The following PPM1B variants were observed in gnomAD, a reference collection of about 807,000 sequenced individuals.
PPM1B encodes the protein protein phosphatase, Mg2+/Mn2+ dependent 1B.
PPM1B carries 22 observed loss-of-function variants against 43.0 expected under a neutral mutation model. The ratio of observed to expected loss-of-function variants is 0.51; its 90% CI spans 0.37 to 0.73. PPM1B has a LOEUF of 0.73. PPM1B is among the 30% of genes least tolerant of loss of function. PPM1B has a pLI of 0.00. For synonymous variants in PPM1B, 217 were observed against 197.9 expected, an observed-to-expected ratio of 1.10 and a Z score of -0.81; for missense variants, 632 against 584.2, an observed-to-expected ratio of 1.08 and a Z score of -0.84.
rs554150079 is a variant in PPM1B at position 44,240,692 on chromosome 2, T to G, written n.1547-3536T>G. Among the ~76,000 whole-genome samples the G allele has an allele frequency of 8.6e-4, 125 of 146,142 alleles. 20 individuals carry two copies. Among genetic ancestry groups the G allele is most frequent in the Non-Finnish European group, 1.6e-3 (102 of 65,426 alleles). ...TCCTGGGCCTTTGAAAAGACAATTT[T>G]CCTGATTTAAGGCAGATGTTCCCAA... On this transcript the variant is annotated intron_variant and non_coding_transcript_variant, in intron 5 of 5. Coordinates refer to the PPM1B transcript ENST00000378540.
At chr2:44,205,200 A>G (rs1379691032) in intron 2 of PPM1B, among the ~76,000 whole-genome samples, 1 of 152,142 alleles carries the variant, frequency 6.6e-6, no homozygotes, top group Non-Finnish European at 1.5e-5. Flanking sequence ...AAGGAAATGG[A>G]GGTTGTTTGA....
chr2:44,229,330 A>C (rs867540572), intron 5 of PPM1B, among the ~76,000 whole-genome samples: 3 of 152,276 alleles, frequency 2.0e-5, no homozygotes, highest in Non-Finnish European at 2.9e-5. Flanking sequence ...ATTGAATATC[A>C]AGTTTAAATT....
chr2:44,245,990 G>T (rs1162668966), downstream of PPM1B, among the ~76,000 whole-genome samples: 3 of 152,056 alleles, frequency 2.0e-5, no homozygotes, highest in Non-Finnish European at 4.4e-5. Context: ...AGGTTGATAG[G>T]GCCAAAATTT....
downstream of PPM1B, among the ~76,000 whole-genome samples, chr2:44,232,096 A>T (rs555797706): frequency 1.3e-5 from 2 of 152,308 alleles, no homozygotes; most frequent in South Asian, 4.1e-4. Flanking sequence ...AAGGCATTTG[A>T]TGGAGAGGGG....
At chr2:44,171,500 A>G (rs1430061861) in intron 1 of PPM1B, among the ~76,000 whole-genome samples, 1 of 152,182 alleles carries the variant, frequency 6.6e-6, no homozygotes, top group Admixed American at 6.5e-5. Context: ...AGAATTGGCC[A>G]CGGTATCACT....
chr2:44,226,932 TTTTATTTA>T lies in PPM1B; in HGVS notation c.1135-3447_1135-3440del, dbSNP rs566508514. On this transcript the variant is annotated intron_variant, in intron 5 of 5. Coordinates refer to ENST00000282412, the MANE Select transcript of PPM1B (RefSeq NM_002706.6). ...CCTGAATAGATTAAAATGGGAAACT[TTTTATTTA>T]TTTATTTATTTATTTATTTATTTAT... is the stretch of plus-strand genomic sequence containing the variant. 4.8e-3 allele frequency among the ~76,000 whole-genome samples: 652 copies of T among 135,016 alleles called. 7 individuals carry two copies. The highest frequency in any genetic ancestry group is 8.2e-3 in the African/African-American group (305 of 37,148). 88.6% of individuals were successfully genotyped at this position (135,016 alleles called of 152,430 possible).
chr2:44,209,188 C>G lies in PPM1B; in HGVS notation c.847-22C>G, dbSNP rs116492909. ...TGATTGTAGAAATACAATTTTTTTT[C>G]TTTTTTTTCTTTAATACACAGGGAA... On this transcript the variant is annotated intron_variant, in intron 2 of 5. Transcript: ENST00000282412. 711 of 1,520,868 alleles carry G rather than the reference C, an allele frequency of 4.7e-4. 3 individuals carry two copies. The African/African-American group carries it at 9.0e-3, about 19-fold the overall frequency. 94.2% of individuals were successfully genotyped at this position (1,520,868 alleles called of 1,614,324 possible).
rs1670462458 is a variant in PPM1B at position 44,231,347 on chromosome 2, A to G, written c.*629A>G. ...CTTTTGAAAAACCTATGTATTATTC[A>G]TACAGCTTTGGTTTGTATATTCTGT... On this transcript the variant is annotated 3_prime_UTR_variant, in exon 6 of 6. Transcript: ENST00000282412. 4 of 978,690 alleles carry G rather than the reference A, an allele frequency of 4.1e-6. No individual in the cohort carries two copies. The highest frequency in any genetic ancestry group is 4.9e-6 in the Non-Finnish European group (4 of 823,856). The allele number at this position is 978,690 out of a possible 1,614,324, so 60.6% of individuals were successfully genotyped here. A position where few individuals can be genotyped will look rare whatever the true frequency, so the allele number is the denominator to read the frequency against.
At chr2:44,178,319 A>G (rs755240054) in intron 1 of PPM1B, among the ~76,000 whole-genome samples, 20 of 151,878 alleles carry the variant, frequency 1.3e-4, no homozygotes, top group Non-Finnish European at 2.8e-4. Context: ...TATATATGCG[A>G]GAATTTCTCT....
intron 5 of PPM1B, among the ~76,000 whole-genome samples, chr2:44,220,755 GGACAGT>G (rs1216040225): frequency 2.6e-5 from 4 of 152,178 alleles, no homozygotes; most frequent in African/African-American, 9.7e-5. Flanking sequence ...CATGTGACTT[GGACAGT>G]GATTGCTGTA....
intron 1 of PPM1B, among the ~76,000 whole-genome samples, chr2:44,183,803 A>T (rs1037038596): frequency 6.6e-6 from 1 of 151,972 alleles, no homozygotes; most frequent in Admixed American, 6.6e-5. Context: ...CAGTGGCGCG[A>T]TCTCGGCTCA....
At chr2:44,170,390 G>T (rs1051708960) in intron 1 of PPM1B, among the ~76,000 whole-genome samples, 2 of 152,212 alleles carry the variant, frequency 1.3e-5, no homozygotes, top group Non-Finnish European at 2.9e-5. Context: ...TTAGGAATTT[G>T]AGTAGTCTTA....
intron 1 of PPM1B, among the ~76,000 whole-genome samples, chr2:44,180,520 A>G (rs1165283819): frequency 2.6e-5 from 4 of 152,244 alleles, no homozygotes; most frequent in East Asian, 1.9e-4. Context: ...CAGCATTCCA[A>G]TAGATTTTTA....
intron 1 of PPM1B, among the ~76,000 whole-genome samples, chr2:44,186,210 A>T (rs1231026138): frequency 2.0e-5 from 3 of 152,110 alleles, no homozygotes; most frequent in Non-Finnish European, 4.4e-5. Flanking sequence ...ATGTTTTATA[A>T]TAATGAAAGC....
chr2:44,237,420 C>T (rs1670649317), downstream of PPM1B, among the ~76,000 whole-genome samples: 1 of 152,148 alleles, frequency 6.6e-6, no homozygotes, highest in African/African-American at 2.4e-5. Flanking sequence ...CCCCTTATTT[C>T]CTGTTTCAGT....
downstream of PPM1B, chr2:44,232,849 T>C (rs2104282457): frequency 3.1e-6 from 3 of 969,998 alleles, no homozygotes; most frequent in African/African-American, 5.3e-5. Flanking sequence ...ATGTATTTAT[T>C]ATTGATTGTT....
chr2:44,193,335 T>C (rs1668496960), intron 1 of PPM1B, among the ~76,000 whole-genome samples: 2 of 152,168 alleles, frequency 1.3e-5, no homozygotes, highest in Admixed American at 1.3e-4. Context: ...TTTTCACATA[T>C]CTATTGGCCA....
intron 3 of PPM1B, among the ~76,000 whole-genome samples, chr2:44,212,748 C>T (rs578121132): frequency 1.2e-3 from 177 of 152,204 alleles, no homozygotes; most frequent in Admixed American, 3.9e-3. Context: ...TGGTGGCTCA[C>T]GCCTGTAATC....
chr2:44,246,375 T>C (rs942010217), downstream of PPM1B, among the ~76,000 whole-genome samples: 8 of 152,224 alleles, frequency 5.3e-5, no homozygotes, highest in African/African-American at 1.9e-4. Flanking sequence ...GGGTAAAATT[T>C]ATTAACCTTT....
Sources: gnomAD v4.1 joint callset for allele counts (sites outside exome capture counted in the v4.1 genomes callset) on GRCh38, gnomAD v4.1.1 for gene constraint, MANE v1.5 for transcripts, NCBI Gene and HGNC (gene_info 2026-07-23, HGNC 2026-07-21) for gene names.